Variants in TMEM117 observed in about 807,000 individuals in gnomAD.
TMEM117 encodes the protein transmembrane protein 117.
Under a neutral mutation model 52.4 loss-of-function variants are expected in TMEM117, and 27 were observed. The observed-to-expected ratio is 0.51, with a 90% CI of 0.38 to 0.71. The LOEUF (loss-of-function observed/expected upper bound fraction) is 0.71, where lower values mean the gene tolerates loss of function less well. TMEM117 is among the 30% of genes least tolerant of loss of function. The probability of loss-of-function intolerance (pLI) is 0.00; values close to 1 mark genes in which losing one functional copy is unlikely to be tolerated. For missense variants in TMEM117, 556 were observed against 630.5 expected, an observed-to-expected ratio of 0.88 and a Z score of 1.26; for synonymous variants, 215 against 206.3, an observed-to-expected ratio of 1.04 and a Z score of -0.36.
chr12:44,329,588 C>T (rs1382680460), intron 6 of TMEM117, among the ~76,000 whole-genome samples: 4 of 152,088 alleles, frequency 2.6e-5, no homozygotes, highest in Non-Finnish European at 5.9e-5. Flanking sequence ...AACACAACTA[C>T]TACCTCACGA....
At chr12:44,140,477 C>G (rs777359229) in intron 3 of TMEM117, among the ~76,000 whole-genome samples, 9 of 151,982 alleles carry the variant, frequency 5.9e-5, no homozygotes, top group Non-Finnish European at 1.2e-4. Flanking sequence ...GACAAGATAG[C>G]CAAAATAGCT....
chr12:44,104,170 G>T (rs113507408), intron 3 of TMEM117, among the ~76,000 whole-genome samples: 4,467 of 151,840 alleles, frequency 0.029, 102 homozygotes, highest in Admixed American at 0.038. Flanking sequence ...AAACTTATTT[G>T]GAATTGAATG....
intron 3 of TMEM117, among the ~76,000 whole-genome samples, chr12:44,032,804 A>G (rs1946653486): frequency 6.6e-6 from 1 of 152,192 alleles, no homozygotes; most frequent in South Asian, 2.1e-4. Context: ...ATAGTGAGGT[A>G]GGAATATCAT....
chr12:43,863,199 T>C (rs555847287), intron 2 of TMEM117, among the ~76,000 whole-genome samples: 1 of 151,688 alleles, frequency 6.6e-6, no homozygotes, highest in Non-Finnish European at 1.5e-5. Flanking sequence ...TGAGCCAGGA[T>C]TGTGCCACTG....
chr12:44,235,992 T>C (rs544705160), intron 5 of TMEM117, among the ~76,000 whole-genome samples: 3 of 152,104 alleles, frequency 2.0e-5, no homozygotes, highest in South Asian at 4.1e-4. Context: ...GCTTAGTCTG[T>C]CCTTTCTCTG....
the TMEM117 span, among the ~76,000 whole-genome samples, chr12:43,821,550 G>A: frequency 6.6e-6 from 1 of 152,156 alleles, no homozygotes. Flanking sequence ...CAAAGTGCTG[G>A]GATTACAATT....
intron 3 of TMEM117, among the ~76,000 whole-genome samples, chr12:44,086,983 T>TATAATTAATAATTATAAATTATATAATAC (rs1565821808): frequency 6.8e-6 from 1 of 147,644 alleles, no homozygotes; most frequent in African/African-American, 2.5e-5. Context: ...TTATATAATA[T>TATAATTAATAATTATAAATTATATAATAC]ATAATTAATA....
intron 2 of TMEM117, among the ~76,000 whole-genome samples, chr12:43,862,982 AAAC>A (rs1943516290): frequency 6.7e-6 from 1 of 148,820 alleles, no homozygotes; most frequent in East Asian, 2.0e-4. Flanking sequence ...AAAAACAAAC[AAAC>A]AAAAAAACCA....
chr12:43,889,580 C>T (rs1194229687), intron 2 of TMEM117, among the ~76,000 whole-genome samples: 1 of 152,176 alleles, frequency 6.6e-6, no homozygotes, highest in Non-Finnish European at 1.5e-5. Flanking sequence ...GTCTGCGACC[C>T]AGAGGTTGGG....
chr12:44,018,725 C>CTT (rs559433168), intron 3 of TMEM117, among the ~76,000 whole-genome samples: 1,580 of 140,660 alleles, frequency 0.011, 35 homozygotes, highest in African/African-American at 0.039. Context: ...CTTTTTCTTT[C>CTT]TTTTTTTTTT....
chr12:43,935,574 T>A (rs1306142114), intron 2 of TMEM117, among the ~76,000 whole-genome samples: 1 of 152,192 alleles, frequency 6.6e-6, no homozygotes, highest in Non-Finnish European at 1.5e-5. Flanking sequence ...TTTCTTTTAG[T>A]GGGTAAGGAT....
At chr12:44,177,593 A>G (rs754803519) in intron 4 of TMEM117, among the ~76,000 whole-genome samples, 3 of 152,056 alleles carry the variant, frequency 2.0e-5, no homozygotes, top group African/African-American at 7.2e-5. Context: ...TTCTTTTTTT[A>G]TTAGATTTTT....
the TMEM117 span, among the ~76,000 whole-genome samples, chr12:43,813,769 A>G: frequency 1.3e-5 from 2 of 152,092 alleles, no homozygotes; most frequent in Non-Finnish European, 2.9e-5. Flanking sequence ...GTCTAGCTAA[A>G]TCACAGTTCA....
intron 3 of TMEM117, among the ~76,000 whole-genome samples, chr12:44,010,524 C>T (rs74367748): frequency 0.023 from 3,549 of 151,060 alleles, 141 homozygotes; most frequent in African/African-American, 0.082. Context: ...ATTCCTCGGT[C>T]GACGTCTGTC....
intron 6 of TMEM117, among the ~76,000 whole-genome samples, chr12:44,367,530 G>A (rs975800667): frequency 6.6e-6 from 1 of 151,930 alleles, no homozygotes; most frequent in African/African-American, 2.4e-5. Flanking sequence ...TTATAAATGA[G>A]GGAGTGCCTC....
intron 4 of TMEM117, among the ~76,000 whole-genome samples, chr12:44,207,167 C>T (rs1592606167): frequency 6.6e-6 from 1 of 152,022 alleles, no homozygotes; most frequent in Admixed American, 6.6e-5. Context: ...GATAGAATAA[C>T]ATTTGTTTAT....
the TMEM117 span, among the ~76,000 whole-genome samples, chr12:43,824,648 C>T: frequency 5.9e-5 from 9 of 152,268 alleles, no homozygotes; most frequent in African/African-American, 1.7e-4. Flanking sequence ...TAAGAAAGCC[C>T]TGTAGGGCCG....
At chr12:44,120,101 G>T (rs956514791) in intron 3 of TMEM117, among the ~76,000 whole-genome samples, 10 of 152,160 alleles carry the variant, frequency 6.6e-5, no homozygotes, top group African/African-American at 1.9e-4. Context: ...CTGGGCAATT[G>T]TCTGGTGCCC....
At chr12:44,269,966 T>G (rs999742008) in intron 5 of TMEM117, among the ~76,000 whole-genome samples, 8 of 152,076 alleles carry the variant, frequency 5.3e-5, no homozygotes, top group Admixed American at 6.6e-5. Context: ...TATAGTAGCT[T>G]TATCTTGGAA....
Sources: gnomAD v4.1 joint callset for allele counts (sites outside exome capture counted in the v4.1 genomes callset) on GRCh38, gnomAD v4.1.1 for gene constraint, MANE v1.5 for transcripts, NCBI Gene and HGNC (gene_info 2026-07-23, HGNC 2026-07-21) for gene names.